Variants in TACC2 observed in about 807,000 individuals in gnomAD.
TACC2 encodes the protein transforming acidic coiled-coil containing protein 2, also known as transforming acidic coiled-coil-containing protein 2.
In TACC2, 137 loss-of-function variants were observed where a neutral mutation model predicts 227.3. The ratio of observed to expected loss-of-function variants is 0.60; its 90% confidence interval spans 0.52 to 0.69. TACC2 has a LOEUF of 0.69. Among genes scored for constraint, TACC2 ranks in the 30% least tolerant of loss-of-function variants. The pLI is 0.00. For synonymous variants in TACC2, 1,523 were observed against 1,487.5 expected, an observed-to-expected ratio of 1.02 and a Z score of -0.55; for missense variants, 3,470 against 3,694.4, an observed-to-expected ratio of 0.94 and a Z score of 1.57.
intron 5 of TACC2, among the ~76,000 whole-genome samples, chr10:122,106,804 G>A (rs905705189): frequency 6.6e-6 from 1 of 152,214 alleles, no homozygotes; most frequent in Non-Finnish European, 1.5e-5. Context: ...CATTGCACCA[G>A]CAGGAAGTCC....
At chr10:122,013,309 C>T (rs1956173458) in intron 1 of TACC2, among the ~76,000 whole-genome samples, 1 of 152,204 alleles carries the variant, frequency 6.6e-6, no homozygotes, top group Admixed American at 6.5e-5. Flanking sequence ...CCCCACAGAG[C>T]AGCCAGGTGC....
chr10:122,166,652 T>A (rs1323508901), intron 7 of TACC2, among the ~76,000 whole-genome samples: 5 of 152,212 alleles, frequency 3.3e-5, no homozygotes, highest in African/African-American at 1.2e-4. Context: ...CTCCATTTCA[T>A]CCAGGGACTT....
At chr10:122,221,280 G>A (rs911952314) in intron 11 of TACC2, among the ~76,000 whole-genome samples, 11 of 152,216 alleles carry the variant, frequency 7.2e-5, no homozygotes, top group African/African-American at 2.7e-4. Flanking sequence ...CTTTTAAAGC[G>A]TGATGCAGTG....
At chr10:122,135,338 C>T (rs2089391994) in intron 6 of TACC2, among the ~76,000 whole-genome samples, 3 of 152,190 alleles carry the variant, frequency 2.0e-5, no homozygotes, top group Admixed American at 1.3e-4. Context: ...ACAACCCTGA[C>T]CAAGAGTGAC....
intron 5 of TACC2, among the ~76,000 whole-genome samples, chr10:122,114,368 C>A (rs989014849): frequency 5.3e-5 from 8 of 152,192 alleles, no homozygotes; most frequent in African/African-American, 1.9e-4. Flanking sequence ...GTGAGATGCA[C>A]GTGCAGATTA....
chr10:122,162,912 T>G (rs942693702), intron 7 of TACC2, among the ~76,000 whole-genome samples: 5 of 152,038 alleles, frequency 3.3e-5, no homozygotes, highest in Non-Finnish European at 7.4e-5. Flanking sequence ...CGCCTCTGCT[T>G]GTTTAGGGTG....
Position 122,210,418 on chromosome 10 carries a change from C to T in TACC2, c.5993C>T (p.Pro1998Leu). 6.2e-7 allele frequency: 1 copy of T among 1,614,028 alleles called. No individual in the cohort carries two copies. Residue 1998 changes from proline to leucine, a missense_variant, in exon 9 of 23, where the codon CCT becomes CTT. By Grantham distance (98) the Pro-to-Leu change is moderately conservative (BLOSUM62 -3). This residue lies in a region of TACC2 where 593 missense variants were observed against 636.6 expected (regional missense o/e 0.93). Coordinates refer to ENST00000369005, the MANE Select transcript of TACC2 (RefSeq NM_206862.4). The surrounding 1 kb of genome is among the most constrained non-coding windows in gnomAD (Gnocchi z 4.6). ...CCAGGATGTGGTTCTGAGACAGTCCCTGTCCCTGATGGCCCACGGAGCGAC... is the reference window on the plus strand; with the variant it reads ...CCAGGATGTGGTTCTGAGACAGTCCTTGTCCCTGATGGCCCACGGAGCGAC... ...EEPGCGSETVPVPDGPRSDSV... is the reference protein window; with the variant it reads ...EEPGCGSETVLVPDGPRSDSV...
At chr10:122,172,675 G>A (rs546183400) in intron 7 of TACC2, among the ~76,000 whole-genome samples, 11 of 152,328 alleles carry the variant, frequency 7.2e-5, no homozygotes, top group South Asian at 2.1e-4. Context: ...TTCAGAAGAG[G>A]ATCCTGTGAC....
At position 122,049,314 on chromosome 10, in the gene TACC2, G is replaced by A. The variant is rs993970077; in HGVS notation, c.34-1124G>A. Among the ~76,000 whole-genome samples the A allele has an allele frequency of 3.9e-5, 6 of 152,278 alleles. 1 individual carries two copies. In the South Asian group the frequency reaches 8.3e-4, roughly 21 times the overall value. ...TGCGAGCTCTGCCATCTCTTTCTGT[G>A]GCGGTTTCGTCCACCACAGCTGGAA... On this transcript the variant is annotated intron_variant, in intron 2 of 22. Transcript: ENST00000369005.
chr10:121,999,452 A>G (rs1261666805), intron 1 of TACC2, among the ~76,000 whole-genome samples: 2 of 152,258 alleles, frequency 1.3e-5, no homozygotes, highest in Non-Finnish European at 2.9e-5. Flanking sequence ...CATATTTCAT[A>G]GCAAACAGAT....
rs1271280470 is a variant in TACC2, at chr10:122,180,067, A to G, written c.5835-14973A>G. 6.6e-6 allele frequency among the ~76,000 whole-genome samples: 1 copy of G among 151,678 alleles called. No homozygotes were observed. Among genetic ancestry groups the G allele is most frequent in the Non-Finnish European group, 1.5e-5 (1 of 67,954 alleles). On this transcript the variant is annotated intron_variant, in intron 7 of 22. Transcript: ENST00000369005. The surrounding 1 kb of genome is among the most constrained non-coding windows in gnomAD (Gnocchi z 4.5). Reference sequence around the variant, plus strand: ...GCCACTGCACTCCAGCCTGGGCAACAGAGTGAGACGGTGTCTCCAAAAAAA... The same window carrying G: ...GCCACTGCACTCCAGCCTGGGCAACGGAGTGAGACGGTGTCTCCAAAAAAA...
chr10:122,082,668 A>G lies in TACC2; in HGVS notation c.168A>G (p.Gly56=). 1 of 1,609,966 alleles carries G rather than the reference A, an allele frequency of 6.2e-7. No homozygotes were observed. The highest frequency in any genetic ancestry group is 8.5e-7 in the Non-Finnish European group (1 of 1,177,770). ...DASSIGSVGL[G]GFCTASESSA... is the part of the protein sequence containing the mutation. ...TCAGCATTGGCAGCGTTGGGCTTGG[A>G]GGCTTCTGCACCGCTTCTGAGAGTT... The change falls in exon 4 of 23, where the codon GGA becomes GGG. Residue 56 remains glycine (G), a synonymous_variant. Transcript: ENST00000369005.
At chr10:122,117,002 A>G (rs2084820136) in intron 5 of TACC2, among the ~76,000 whole-genome samples, 1 of 151,724 alleles carries the variant, frequency 6.6e-6, no homozygotes, top group South Asian at 2.1e-4. Flanking sequence ...AGTGGCCCTT[A>G]TGACTGCTAT....
intron 18 of TACC2, among the ~76,000 whole-genome samples, chr10:122,240,789 T>A (rs1193006711): frequency 6.6e-6 from 1 of 152,220 alleles, no homozygotes; most frequent in African/African-American, 2.4e-5. Context: ...TTGAGAAGTT[T>A]CTTCCAGCAG....
chr10:122,112,506 C>T (rs573438526), intron 5 of TACC2, among the ~76,000 whole-genome samples: 1 of 152,240 alleles, frequency 6.6e-6, no homozygotes, highest in Non-Finnish European at 1.5e-5. Context: ...CCATTAATAC[C>T]ACACAGGTGA....
At chr10:122,020,464 C>A (rs1025759226) in intron 1 of TACC2, among the ~76,000 whole-genome samples, 1 of 152,088 alleles carries the variant, frequency 6.6e-6, no homozygotes, top group Non-Finnish European at 1.5e-5. Flanking sequence ...TTTAATTGGG[C>A]CTGTTTGAAC....
intron 7 of TACC2, among the ~76,000 whole-genome samples, chr10:122,184,102 G>T (rs2094086161): frequency 6.6e-6 from 1 of 152,178 alleles, no homozygotes; most frequent in Non-Finnish European, 1.5e-5. Context: ...CGGCCGTGGG[G>T]TTATTCCCAT....
intron 2 of TACC2, chr10:122,032,953 C>A: frequency 2.1e-6 from 1 of 472,136 alleles, no homozygotes; most frequent in Non-Finnish European, 3.8e-6. Context: ...CAGCAAGACT[C>A]TGTCTCAACA....
intron 3 of TACC2, among the ~76,000 whole-genome samples, chr10:122,060,246 T>C (rs2076647480): frequency 6.6e-6 from 1 of 152,182 alleles, no homozygotes; most frequent in African/African-American, 2.4e-5. Context: ...GATTTCCTTC[T>C]GGTGCTGGGG....
Sources: gnomAD v4.1 joint callset for allele counts (sites outside exome capture counted in the v4.1 genomes callset) on GRCh38, gnomAD v4.1.1 for gene constraint, gnomAD v4.1.1 regional missense constraint, Gnocchi (gnomAD v3.1) non-coding constraint, MANE v1.5 for transcripts, NCBI Gene and HGNC (gene_info 2026-07-23, HGNC 2026-07-21) for gene names.